Variants in LAMA2 observed in about 807,000 individuals in gnomAD.
LAMA2 encodes the protein laminin subunit alpha 2.
In LAMA2, 269 loss-of-function variants were observed where a neutral mutation model predicts 364.8. The observed-to-expected ratio is 0.74, with a 90% CI of 0.67 to 0.82. LAMA2 has a LOEUF of 0.82. LAMA2 is among the 40% of genes least tolerant of loss of function. The pLI, the probability that LAMA2 is intolerant of heterozygous loss-of-function variation, is 0.00. For missense variants in LAMA2, 3,807 were observed against 3,873.2 expected, an observed-to-expected ratio of 0.98 and a Z score of 0.45; for synonymous variants, 1,379 against 1,370.6, an observed-to-expected ratio of 1.01 and a Z score of -0.14.
chr6:128,943,948 T>G (rs1052091779), intron 1 of LAMA2, among the ~76,000 whole-genome samples: 1 of 152,190 alleles, frequency 6.6e-6, no homozygotes, highest in Non-Finnish European at 1.5e-5. Flanking sequence ...TGAAAAGATT[T>G]TCATCGGTTA....
chr6:129,089,300 C>T (rs1774655785), intron 3 of LAMA2, among the ~76,000 whole-genome samples: 2 of 152,194 alleles, frequency 1.3e-5, no homozygotes, highest in Non-Finnish European at 1.5e-5. Context: ...TGCTATTAGT[C>T]CCCAAATGCT....
intron 1 of LAMA2, among the ~76,000 whole-genome samples, chr6:128,912,408 G>A (rs4377807): frequency 0.14 from 21,058 of 152,004 alleles, 1,977 homozygotes; most frequent in African/African-American, 0.26. Flanking sequence ...ATAGGGAAAG[G>A]TTTTATTTTT....
In LAMA2 at chr6:129,192,696, G is replaced by A. The variant is rs1301047464; in HGVS notation, c.1625G>A (p.Gly542Asp). 2 of 1,613,858 alleles carry A rather than the reference G, an allele frequency of 1.2e-6. No individual in the cohort carries two copies. The highest frequency in any genetic ancestry group is 1.3e-5 in the African/African-American group (1 of 74,896). The change falls in exon 12 of 65, where the codon GGC (glycine) becomes GAC (aspartate). Residue 542 changes from glycine (G) to aspartate (D), a missense_variant. This residue lies in a region of LAMA2 where 3,333 missense variants were observed against 3,345.7 expected (regional missense o/e 1.00). Transcript: ENST00000421865. ...WTYGKIQDMSGWYLTDLPGRI... is the reference protein window; with the variant it reads ...WTYGKIQDMSDWYLTDLPGRI... Reference sequence around the variant, plus strand: ...TTCTCTAAGATACAAGATATGAGTGGCTGGTATCTGACTGACCTTCCTGGC... The same window carrying A: ...TTCTCTAAGATACAAGATATGAGTGACTGGTATCTGACTGACCTTCCTGGC...
chr6:129,498,860 T>G (rs551816322), intron 58 of LAMA2, among the ~76,000 whole-genome samples: 2 of 152,350 alleles, frequency 1.3e-5, no homozygotes. Context: ...CATTTCCAAA[T>G]GTCAGCCACC....
chr6:129,205,493 TACACACACACACACACAC>T (rs767013359), intron 12 of LAMA2, among the ~76,000 whole-genome samples: 13 of 104,272 alleles, frequency 1.2e-4, no homozygotes, highest in African/African-American at 3.8e-4. Context: ...TATATATATA[TACACACACACACACACAC>T]ACACACACAC....
At chr6:129,065,709 A>G (rs749822850) in intron 3 of LAMA2, among the ~76,000 whole-genome samples, 4 of 152,204 alleles carry the variant, frequency 2.6e-5, no homozygotes, top group Non-Finnish European at 5.9e-5. Context: ...GAGGATTGCT[A>G]TGATTTGGCT....
intron 1 of LAMA2, among the ~76,000 whole-genome samples, chr6:129,048,489 TTTCTTTCCTTCC>T (rs1482904522): frequency 0.044 from 3,038 of 69,466 alleles, 34 homozygotes; most frequent in Non-Finnish European, 0.065. Context: ...TCTTTCTTTC[TTTCTTTCCTTCC>T]TTCCTTCCTT....
At chr6:129,049,768 A>G in intron 1 of LAMA2, 150 bp from the exon 2 acceptor site, 1 of 710,830 alleles carries the variant, frequency 1.4e-6, no homozygotes, top group Non-Finnish European at 2.5e-6. Context: ...TTTATGTAGT[A>G]TACTGAATTG....
At chr6:129,014,562 G>C (rs1784963837) in intron 1 of LAMA2, among the ~76,000 whole-genome samples, 3 of 152,026 alleles carry the variant, frequency 2.0e-5, no homozygotes. Context: ...AGATCCCCTA[G>C]TTACATTTTC....
chr6:128,956,368 T>A (rs910015286), intron 1 of LAMA2, among the ~76,000 whole-genome samples: 6 of 152,000 alleles, frequency 3.9e-5, no homozygotes, highest in African/African-American at 9.7e-5. Flanking sequence ...GGAATTTTTT[T>A]AAAAAGTTCA....
chr6:129,124,264 CAGACGATCTTCTCAGGGATGTTTGT>C (rs1449856569), intron 4 of LAMA2, among the ~76,000 whole-genome samples: 2 of 152,144 alleles, frequency 1.3e-5, no homozygotes, highest in African/African-American at 2.4e-5. Flanking sequence ...ATCTTTGTTC[CAGACGATCTTCTCAGGGATGTTTGT>C]AAAGTGAACA....
chr6:129,248,286 G>A (rs1186162091), intron 12 of LAMA2, among the ~76,000 whole-genome samples: 1 of 152,166 alleles, frequency 6.6e-6, no homozygotes, highest in African/African-American at 2.4e-5. Flanking sequence ...ATGCCAAAAA[G>A]GTGGGGAGTG....
At chr6:129,287,238 A>G (rs1789329945) in intron 18 of LAMA2, among the ~76,000 whole-genome samples, 1 of 151,678 alleles carries the variant, frequency 6.6e-6, no homozygotes, top group Admixed American at 6.6e-5. Flanking sequence ...GCTTTCTCAG[A>G]CTTCCCTTTA....
At chr6:129,505,391 A>G in intron 61 of LAMA2, 36 bp downstream of exon 61, 1 of 1,542,346 alleles carries the variant, frequency 6.5e-7, no homozygotes, top group Non-Finnish European at 9.0e-7. Context: ...ACTTAAATAT[A>G]TGGCTGATTC....
chr6:129,388,721 G>GA (rs1359358699), intron 35 of LAMA2, among the ~76,000 whole-genome samples: 1 of 151,690 alleles, frequency 6.6e-6, no homozygotes. Flanking sequence ...ATTTAACAAA[G>GA]AAAAAACATA....
At chr6:129,009,381 A>C (rs1180347431) in intron 1 of LAMA2, among the ~76,000 whole-genome samples, 1 of 152,016 alleles carries the variant, frequency 6.6e-6, no homozygotes, top group African/African-American at 2.4e-5. Context: ...AAATTTTGGC[A>C]AATGTTGCAT....
chr6:129,291,221 G>A (rs774899261), intron 19 of LAMA2, among the ~76,000 whole-genome samples: 36 of 152,132 alleles, frequency 2.4e-4, no homozygotes, highest in Admixed American at 1.6e-3. Flanking sequence ...CTAAAACAGC[G>A]TTACACCTTG....
intron 1 of LAMA2, among the ~76,000 whole-genome samples, chr6:129,015,485 A>G (rs927949957): frequency 1.3e-5 from 2 of 152,136 alleles, no homozygotes; most frequent in African/African-American, 2.4e-5. Flanking sequence ...GCATTTCACC[A>G]TGAAAAACAT....
chr6:129,261,761 T>A (rs887563817), intron 15 of LAMA2, among the ~76,000 whole-genome samples: 1 of 152,154 alleles, frequency 6.6e-6, no homozygotes, highest in Non-Finnish European at 1.5e-5. Flanking sequence ...TATAGTCATA[T>A]TCATGACAGC....
Sources: gnomAD v4.1 joint callset for allele counts (sites outside exome capture counted in the v4.1 genomes callset) on GRCh38, gnomAD v4.1.1 for gene constraint, gnomAD v4.1.1 regional missense constraint, MANE v1.5 for transcripts, NCBI Gene and HGNC (gene_info 2026-07-23, HGNC 2026-07-21) for gene names.